The following CDNF variants were observed in gnomAD, a reference collection of about 807,000 sequenced individuals.
CDNF encodes ARMET-like protein 1.
CDNF carries 9 observed loss-of-function variants against 14.8 expected under a neutral mutation model. That is an observed-to-expected ratio of 0.61 (90% confidence interval 0.37 to 1.06). The LOEUF (loss-of-function observed/expected upper bound fraction) is 1.06. CDNF is among the 50% of genes least tolerant of loss of function. The pLI, the probability that CDNF is intolerant of heterozygous loss-of-function variation, is 0.01. For synonymous variants in CDNF, 86 were observed against 87.2 expected (o/e 0.99, Z 0.07); for missense variants, 228 against 228.4 (o/e 1.00, Z 0.01).
intron 1 of CDNF, among the ~76,000 whole-genome samples, chr10:14,834,973 G>A (rs934177160): frequency 1.1e-4 from 16 of 152,252 alleles, no homozygotes; most frequent in East Asian, 3.9e-4. Context: ...TAGACTCAAC[G>A]ATGTAGTGAT....
chr10:14,836,766 T>C (rs1833891944), intron 1 of CDNF, among the ~76,000 whole-genome samples: 1 of 152,130 alleles, frequency 6.6e-6, no homozygotes, highest in South Asian at 2.1e-4. Flanking sequence ...ACTGCATCTC[T>C]ATTAAAAATA....
chr10:14,824,125 C>T (rs763275160), intron 3 of CDNF, among the ~76,000 whole-genome samples: 1 of 152,180 alleles, frequency 6.6e-6, no homozygotes, highest in Non-Finnish European at 1.5e-5. Context: ...GTATGTAATG[C>T]ATGCAAAACA....
intron 2 of CDNF, among the ~76,000 whole-genome samples, chr10:14,827,245 G>T (rs1467644345): frequency 6.6e-6 from 1 of 151,654 alleles, no homozygotes; most frequent in African/African-American, 2.4e-5. Flanking sequence ...AATATAGATA[G>T]ATAGACCTTA....
intron 1 of CDNF, among the ~76,000 whole-genome samples, chr10:14,830,164 T>G (rs564999619): frequency 6.6e-6 from 1 of 152,210 alleles, no homozygotes; most frequent in Non-Finnish European, 1.5e-5. Context: ...CTTGAAGTTT[T>G]TGGGCCCCGA....
chr10:14,828,519 T>C (rs1243869591), intron 1 of CDNF, among the ~76,000 whole-genome samples: 1 of 151,276 alleles, frequency 6.6e-6, no homozygotes, highest in South Asian at 2.1e-4. Context: ...TGGTGGCGCG[T>C]GCCTATAGTC....
chr10:14,825,955 A>G (rs1833776129), intron 2 of CDNF, among the ~76,000 whole-genome samples: 1 of 151,702 alleles, frequency 6.6e-6, no homozygotes, highest in Non-Finnish European at 1.5e-5. Context: ...CATCTCAAAA[A>G]AAAAGAAGAA....
At chr10:14,826,095 A>AAGAAGAAGAAGCAGC (rs1426555042) in intron 2 of CDNF, among the ~76,000 whole-genome samples, 13 of 87,610 alleles carry the variant, frequency 1.5e-4, no homozygotes, top group South Asian at 3.7e-4. Context: ...GAAGAAGAAG[A>AAGAAGAAGAAGCAGC]AGCAGCAGCA....
chr10:14,829,474 G>A lies in CDNF; in HGVS notation c.116-1202C>T, dbSNP rs143403378. On this transcript the variant is annotated intron_variant, in intron 1 of 3. Coordinates refer to ENST00000465530, the MANE Select transcript of CDNF (RefSeq NM_001029954.3). The stretch of plus-strand genomic sequence containing the variant: ...CACACCTGTGGTCCCAGCTACTGAG[G>A]AGGCTAAAATGGGAGGCTTGTTAGG... Among the ~76,000 whole-genome samples, 158 of 152,272 alleles carry A rather than the reference G, an allele frequency of 1.0e-3. 1 individual carries two copies. The highest frequency in any genetic ancestry group is 6.8e-3 in the Middle Eastern group (2 of 294).
At chr10:14,820,587 C>A (rs1395435832) in intron 3 of CDNF, among the ~76,000 whole-genome samples, 2 of 151,654 alleles carry the variant, frequency 1.3e-5, no homozygotes, top group Non-Finnish European at 2.9e-5. Flanking sequence ...AAAAAATTAG[C>A]CGGGCATGGC....
intron 1 of CDNF, among the ~76,000 whole-genome samples, chr10:14,830,308 G>C (rs1028233904): frequency 2.0e-5 from 3 of 152,062 alleles, no homozygotes; most frequent in African/African-American, 7.2e-5. Flanking sequence ...GGTAGGGATG[G>C]GTTCGGTTTA....
At chr10:14,826,561 T>G (rs1833798951) in intron 2 of CDNF, among the ~76,000 whole-genome samples, 1 of 152,140 alleles carries the variant, frequency 6.6e-6, no homozygotes, top group African/African-American at 2.4e-5. Context: ...GAGGTTAACC[T>G]GCTGACTAAG....
chr10:14,833,894 AAC>A (rs1188258970), intron 1 of CDNF, among the ~76,000 whole-genome samples: 1 of 152,226 alleles, frequency 6.6e-6, no homozygotes, highest in Non-Finnish European at 1.5e-5. Flanking sequence ...AAGGCAAGTG[AAC>A]ACAGTGTTAA....
At chr10:14,832,514 T>C (rs1013572078) in intron 1 of CDNF, among the ~76,000 whole-genome samples, 1 of 152,208 alleles carries the variant, frequency 6.6e-6, no homozygotes, top group African/African-American at 2.4e-5. Flanking sequence ...GAAGGCTGTC[T>C]GAAGAATGGA....
At chr10:14,820,792 T>C (rs187789859) in intron 3 of CDNF, among the ~76,000 whole-genome samples, 2,190 of 152,232 alleles carry the variant, frequency 0.014, 60 homozygotes, top group African/African-American at 0.049. Flanking sequence ...TTTGGATTTG[T>C]GTCTCCACTC....
chr10:14,832,043 C>A (rs1197607856), intron 1 of CDNF, among the ~76,000 whole-genome samples: 2 of 152,118 alleles, frequency 1.3e-5, no homozygotes, highest in African/African-American at 4.8e-5. Context: ...TTGAGAGTTA[C>A]ATCCGATAGA....
intron 3 of CDNF, among the ~76,000 whole-genome samples, 162 bp from the exon 4 acceptor site, chr10:14,820,320 G>C (rs1392629905): frequency 6.6e-6 from 1 of 152,188 alleles, no homozygotes; most frequent in Non-Finnish European, 1.5e-5. Context: ...ACACACCCAA[G>C]GAAAATGTGG....
chr10:14,829,563 A>G (rs1358242581), intron 1 of CDNF, among the ~76,000 whole-genome samples: 1 of 152,232 alleles, frequency 6.6e-6, no homozygotes, highest in South Asian at 2.1e-4. Context: ...ATCTTTAAAC[A>G]CACTAAACTT....
intron 3 of CDNF, among the ~76,000 whole-genome samples, chr10:14,823,852 A>T (rs779268307): frequency 2.6e-5 from 4 of 152,176 alleles, no homozygotes; most frequent in Non-Finnish European, 2.9e-5. Context: ...GTTTATATGG[A>T]CTCAGTGATT....
intron 1 of CDNF, among the ~76,000 whole-genome samples, chr10:14,830,312 C>T (rs928801548): frequency 6.6e-6 from 1 of 152,038 alleles, no homozygotes; most frequent in Non-Finnish European, 1.5e-5. Context: ...GGGATGGGTT[C>T]GGTTTATGTT....
Sources: allele counts gnomAD v4.1 joint callset (sites outside exome capture counted in the v4.1 genomes callset), GRCh38; gene constraint gnomAD v4.1.1; transcripts MANE v1.5; gene names NCBI Gene and HGNC (gene_info 2026-07-23, HGNC 2026-07-21).